Variants in MTUS2 observed in about 807,000 individuals in gnomAD.
The protein encoded by MTUS2 is microtubule-associated tumor suppressor candidate 2.
MTUS2 carries 40 observed loss-of-function variants against 114.1 expected under a neutral mutation model. That is an observed-to-expected ratio of 0.35 (90% CI 0.27 to 0.46). The LOEUF is 0.46. Among genes scored for constraint, MTUS2 ranks in the 20% least tolerant of loss-of-function variants. The pLI is 1.00. For missense variants in MTUS2, 1,679 were observed against 1,705.4 expected, an observed-to-expected ratio of 0.98 and a Z score of 0.27; for synonymous variants, 688 against 672.0, an observed-to-expected ratio of 1.02 and a Z score of -0.37.
intron 5 of MTUS2, among the ~76,000 whole-genome samples, chr13:29,190,463 G>A (rs189024137): frequency 1.3e-5 from 2 of 152,218 alleles, no homozygotes; most frequent in East Asian, 3.9e-4. Context: ...GGAACTGGTA[G>A]CCCACATGCT....
chr13:28,826,060 C>G (rs966669403), intron 1 of MTUS2, among the ~76,000 whole-genome samples: 2 of 152,056 alleles, frequency 1.3e-5, no homozygotes, highest in African/African-American at 4.8e-5. Context: ...AGTGGGCCTT[C>G]TTCTAATTGG....
At chr13:29,473,578 C>T (rs979798576) in intron 9 of MTUS2, among the ~76,000 whole-genome samples, 11 of 152,038 alleles carry the variant, frequency 7.2e-5, no homozygotes, top group Non-Finnish European at 1.5e-4. Flanking sequence ...TTATATATGT[C>T]GGAGGATGTT....
chr13:28,955,111 T>C (rs562343896), intron 2 of MTUS2, among the ~76,000 whole-genome samples: 1 of 152,326 alleles, frequency 6.6e-6, no homozygotes, highest in African/African-American at 2.4e-5. Flanking sequence ...CAGAGTCTGG[T>C]CTGATAGGAT....
In MTUS2 at chr13:29,193,705, T is replaced by G. The variant is rs868376837; in HGVS notation, c.2645-87999T>G. Among the ~76,000 whole-genome samples, 144 of 152,100 alleles carry G rather than the reference T, an allele frequency of 9.5e-4. 2 individuals are homozygous for G. The highest frequency in any genetic ancestry group is 3.3e-3 in the African/African-American group (135 of 41,492). Reference sequence around the variant, plus strand: ...ATAGATTCAATGCCATCCCCATCAATCTACCAATGACTTTCTTCACAGAAT... The same window carrying G: ...ATAGATTCAATGCCATCCCCATCAAGCTACCAATGACTTTCTTCACAGAAT... On this transcript the variant is annotated intron_variant, in intron 5 of 15. Transcript: ENST00000612955.
At chr13:29,339,696 A>G in intron 7 of MTUS2, 1 of 188,924 alleles carries the variant, frequency 5.3e-6, no homozygotes. Flanking sequence ...AAGTGCCTCC[A>G]GGCCTCAGGG....
intron 2 of MTUS2, among the ~76,000 whole-genome samples, chr13:28,883,731 G>T (rs779313513): frequency 3.9e-5 from 6 of 152,072 alleles, no homozygotes; most frequent in Non-Finnish European, 7.4e-5. Context: ...TTGTGGCCAT[G>T]GTTACATGAT....
chr13:29,028,954 T>C (rs1250005636), intron 3 of MTUS2, among the ~76,000 whole-genome samples: 1 of 152,214 alleles, frequency 6.6e-6, no homozygotes, highest in Non-Finnish European at 1.5e-5. Flanking sequence ...TGGTTAGATA[T>C]ATTGGCATAT....
chr13:28,987,346 T>C (rs923138407), intron 2 of MTUS2, among the ~76,000 whole-genome samples: 3 of 152,082 alleles, frequency 2.0e-5, no homozygotes, highest in Non-Finnish European at 4.4e-5. Flanking sequence ...TCGAGTCGCA[T>C]TGCACAGTGG....
In MTUS2 at chr13:28,990,572, G is replaced by A. The variant is rs1385101969; in HGVS notation, c.-242-33885G>A. ...TAAAGGATTGTAAATGCACCAGTCA[G>A]CACTCTGTAAAAACGCACCAATCAG... On this transcript the variant is annotated intron_variant, in intron 2 of 15. Coordinates refer to ENST00000612955, the MANE Select transcript of MTUS2 (RefSeq NM_001033602.4). 4.0e-5 allele frequency among the ~76,000 whole-genome samples: 6 copies of A among 151,636 alleles called. No homozygotes were observed. In the South Asian group the frequency reaches 6.2e-4, roughly 16 times the overall value.
intron 2 of MTUS2, among the ~76,000 whole-genome samples, chr13:28,914,622 T>G (rs1880644247): frequency 6.6e-6 from 1 of 152,048 alleles, no homozygotes; most frequent in African/African-American, 2.4e-5. Context: ...TAGAGTTGAG[T>G]TCAGGTCCTG....
Position 29,503,632 on chromosome 13 carries a change from T to C in MTUS2, c.*426T>C. 4.1e-6 allele frequency: 1 copy of C among 246,390 alleles called. No individual in the cohort carries two copies. Among genetic ancestry groups the C allele is most frequent in the Non-Finnish European group, 7.9e-6 (1 of 125,856 alleles). The allele number at this position is 246,390 out of a possible 1,614,324, so 15.3% of individuals were successfully genotyped here. A position where few individuals can be genotyped will look rare whatever the true frequency, so the allele number is the denominator to read the frequency against. Reference sequence around the variant, plus strand: ...TTTTTTATAACATGAAGTGCTGACATATTTTAGTGAAGGTCAGCAGTTTTC... The same window carrying C: ...TTTTTTATAACATGAAGTGCTGACACATTTTAGTGAAGGTCAGCAGTTTTC... On this transcript the variant is annotated 3_prime_UTR_variant, in exon 16 of 16. Coordinates refer to ENST00000612955, the MANE Select transcript of MTUS2 (RefSeq NM_001033602.4).
intron 2 of MTUS2, among the ~76,000 whole-genome samples, chr13:28,903,445 G>C (rs1158591453): frequency 3.2e-5 from 4 of 125,606 alleles, no homozygotes; most frequent in African/African-American, 1.3e-4. Context: ...CCTGGTGTGT[G>C]ATGTTCCCCT....
intron 2 of MTUS2, among the ~76,000 whole-genome samples, chr13:28,929,105 C>G (rs1881480594): frequency 6.9e-6 from 1 of 145,542 alleles, no homozygotes; most frequent in Non-Finnish European, 1.5e-5. Context: ...ACGTCAAAAC[C>G]AAAAATGTGG....
chr13:29,234,513 G>A (rs1211240569), intron 5 of MTUS2, among the ~76,000 whole-genome samples: 5 of 152,164 alleles, frequency 3.3e-5, no homozygotes, highest in Admixed American at 3.3e-4. Flanking sequence ...TTTAGGTAAA[G>A]CTATCTTTTA....
chr13:29,409,061 T>C (rs563384324), intron 8 of MTUS2, among the ~76,000 whole-genome samples: 1 of 152,372 alleles, frequency 6.6e-6, no homozygotes, highest in East Asian at 1.9e-4. Context: ...GGCTCACACC[T>C]GTAATCCCAG....
At chr13:28,994,319 G>A (rs1303046199) in intron 2 of MTUS2, among the ~76,000 whole-genome samples, 2 of 152,142 alleles carry the variant, frequency 1.3e-5, no homozygotes, top group Admixed American at 1.3e-4. Flanking sequence ...CATTTGGGTT[G>A]GTTCCAAGTC....
intron 2 of MTUS2, among the ~76,000 whole-genome samples, chr13:28,905,929 A>T (rs1463195914): frequency 6.6e-6 from 1 of 151,588 alleles, no homozygotes; most frequent in Non-Finnish European, 1.5e-5. Flanking sequence ...CCACAATTTC[A>T]GAGCCTGTTA....
intron 8 of MTUS2, among the ~76,000 whole-genome samples, chr13:29,439,483 A>G (rs192238531): frequency 6.6e-6 from 1 of 152,336 alleles, no homozygotes; most frequent in East Asian, 1.9e-4. Flanking sequence ...GAAATGTTTC[A>G]TGCTAAGCCT....
chr13:29,324,681 G>A lies in MTUS2; in HGVS notation c.2875G>A (p.Ala959Thr), dbSNP rs768200455. 1.0e-5 allele frequency: 16 copies of A among 1,599,516 alleles called. No homozygotes were observed. In the African/African-American group the frequency reaches 1.6e-4, roughly 16 times the overall value. Residue 959 changes from alanine (A) to threonine (T), a missense_variant, in exon 7 of 16, where the codon GCA becomes ACA. Physicochemically the swap from Ala to Thr is moderately conservative, Grantham distance 58. This residue lies in a region of MTUS2 where 822 missense variants were observed against 899.7 expected (regional missense o/e 0.91). Transcript: ENST00000612955. The stretch of plus-strand genomic sequence containing the variant: ...TGCTGTTTCATCTCCTAAGAGAGTA[G>A]CAGCTTCAACCACCAAGCTTCATTC... ...KPAVSSPKRV[A>T]ASTTKLHSPG...
Sources: allele counts gnomAD v4.1 joint callset (sites outside exome capture counted in the v4.1 genomes callset), GRCh38; gene constraint gnomAD v4.1.1; regional missense constraint gnomAD v4.1.1; transcripts MANE v1.5; gene names NCBI Gene and HGNC (gene_info 2026-07-23, HGNC 2026-07-21).